DMTF1: variants seen among roughly 807,000 people sequenced by gnomAD.
DMTF1 encodes cyclin-D-binding Myb-like transcription factor 1.
A neutral mutation model predicts 91.1 loss-of-function variants in DMTF1; 39 were observed. The ratio of observed to expected loss-of-function variants is 0.43; its 90% confidence interval spans 0.33 to 0.56. The LOEUF (loss-of-function observed/expected upper bound fraction) is 0.56. Among genes scored for constraint, DMTF1 ranks in the 20% least tolerant of loss-of-function variants. DMTF1 has a pLI of 0.05. For missense variants in DMTF1, 750 were observed against 914.5 expected, an observed-to-expected ratio of 0.82 and a Z score of 2.32; for synonymous variants, 338 against 309.5, an observed-to-expected ratio of 1.09 and a Z score of -0.97.
At chr7:87,163,935 C>T (rs1407506126) in intron 2 of DMTF1, among the ~76,000 whole-genome samples, 2 of 151,594 alleles carry the variant, frequency 1.3e-5, no homozygotes, top group Non-Finnish European at 2.9e-5. Flanking sequence ...CCCAGCTATT[C>T]GGGTGGCTAA....
chr7:87,163,459 T>G (rs1793024077), intron 1 of DMTF1, 36 bp from the exon 2 acceptor site: 1 of 152,262 alleles, frequency 6.6e-6, no homozygotes, highest in South Asian at 2.1e-4. Flanking sequence ...TTGTTCTTAT[T>G]AAGCCTTATT....
intron 12 of DMTF1, 104 bp downstream of exon 12, chr7:87,186,084 C>T (rs1798353391): frequency 8.2e-7 from 1 of 1,217,730 alleles, no homozygotes; most frequent in Non-Finnish European, 1.2e-6. Flanking sequence ...GATATCATAG[C>T]AGATTTCTAC....
chr7:87,185,763 G>C (rs1347475009), intron 11 of DMTF1, 66 bp from the exon 12 acceptor site: 3 of 1,566,928 alleles, frequency 1.9e-6, no homozygotes, highest in Non-Finnish European at 2.6e-6. Context: ...ATTACCTGTA[G>C]TCAGAGGAGG....
intron 13 of DMTF1, among the ~76,000 whole-genome samples, chr7:87,189,336 G>T (rs1799217339): frequency 2.0e-5 from 3 of 152,022 alleles, no homozygotes; most frequent in African/African-American, 7.2e-5. Flanking sequence ...TCTGAATTTG[G>T]TTATCTTTCT....
intron 4 of DMTF1, among the ~76,000 whole-genome samples, chr7:87,169,887 G>A (rs550338423): frequency 1.3e-5 from 2 of 152,132 alleles, no homozygotes; most frequent in African/African-American, 4.8e-5. Flanking sequence ...CTGCTTCTTT[G>A]TTTTCTTTAC....
At chr7:87,162,305 A>G (rs1041415223) in intron 1 of DMTF1, among the ~76,000 whole-genome samples, 3 of 152,078 alleles carry the variant, frequency 2.0e-5, no homozygotes, top group Non-Finnish European at 4.4e-5. Flanking sequence ...TCCTGAGGTT[A>G]AGTGATCCTC....
At chr7:87,173,389 A>G (rs1795548911) in intron 5 of DMTF1, 146 bp from the exon 6 acceptor site, 1 of 411,612 alleles carries the variant, frequency 2.4e-6, no homozygotes, top group Non-Finnish European at 4.3e-6. Flanking sequence ...TATTTTTACT[A>G]TATCTAAAAC....
intron 12 of DMTF1, chr7:87,186,881 T>G (rs1395521265): frequency 1.3e-5 from 2 of 152,208 alleles, no homozygotes; most frequent in Non-Finnish European, 2.9e-5. Flanking sequence ...ATTTTTATTT[T>G]GTACAAAGAT....
At chr7:87,153,187 CAT>C (rs1365930959) in intron 1 of DMTF1, among the ~76,000 whole-genome samples, 2 of 151,992 alleles carry the variant, frequency 1.3e-5, no homozygotes, top group African/African-American at 4.8e-5. Flanking sequence ...ACGGCCCAGA[CAT>C]AGAGAATCGG....
intron 4 of DMTF1, among the ~76,000 whole-genome samples, chr7:87,168,930 A>G (rs1794458465): frequency 6.6e-6 from 1 of 152,226 alleles, no homozygotes; most frequent in Non-Finnish European, 1.5e-5. Flanking sequence ...GGAAGTAACC[A>G]GAAAATAATT....
intron 14 of DMTF1, among the ~76,000 whole-genome samples, chr7:87,191,957 T>C (rs1173290176): frequency 2.0e-5 from 3 of 152,160 alleles, no homozygotes; most frequent in African/African-American, 7.2e-5. Flanking sequence ...CCCAAGAGGA[T>C]GGCCACCTTT....
intron 15 of DMTF1, 184 bp from the exon 16 acceptor site, chr7:87,193,541 C>T (rs1215547783): frequency 1.2e-6 from 1 of 801,480 alleles, no homozygotes; most frequent in Non-Finnish European, 2.0e-6. Flanking sequence ...TGTAAGATGG[C>T]TATACATTAG....
At chr7:87,176,340 T>C (rs760162872) in intron 7 of DMTF1, among the ~76,000 whole-genome samples, 3 of 152,250 alleles carry the variant, frequency 2.0e-5, no homozygotes, top group Admixed American at 2.0e-4. Flanking sequence ...TAGTCACATA[T>C]GCTTTAGTTA....
At chr7:87,187,086 G>T (rs1798620888) in intron 12 of DMTF1, 1 of 152,282 alleles carries the variant, frequency 6.6e-6, no homozygotes, top group South Asian at 2.1e-4. Context: ...TTTGTTGCCT[G>T]TTTTGCATTT....
chr7:87,163,066 C>T (rs1792891535), intron 1 of DMTF1: 1 of 151,790 alleles, frequency 6.6e-6, no homozygotes, highest in South Asian at 2.1e-4. Flanking sequence ...ATTTTTAATG[C>T]TTTAAGATAA....
intron 2 of DMTF1, chr7:87,164,266 A>G (rs373547437): frequency 1.3e-5 from 2 of 152,112 alleles, no homozygotes; most frequent in African/African-American, 4.8e-5. Context: ...ATGAGATGCT[A>G]TATTCTGAGA....
At chr7:87,168,958 C>G (rs988130360) in intron 4 of DMTF1, among the ~76,000 whole-genome samples, 1 of 152,218 alleles carries the variant, frequency 6.6e-6, no homozygotes, top group African/African-American at 2.4e-5. Context: ...ATTCCCACTA[C>G]CACAAATACA....
intron 3 of DMTF1, among the ~76,000 whole-genome samples, chr7:87,165,945 T>C (rs1401170166): frequency 6.6e-6 from 1 of 152,222 alleles, no homozygotes; most frequent in Non-Finnish European, 1.5e-5. Context: ...TCTAATACCC[T>C]TTTAACCAGT....
intron 4 of DMTF1, among the ~76,000 whole-genome samples, chr7:87,169,685 C>T (rs980788661): frequency 2.0e-5 from 3 of 152,070 alleles, no homozygotes; most frequent in Admixed American, 6.5e-5. Flanking sequence ...TTAGTGTTTG[C>T]GTTACTTGAT....
Sources: gnomAD v4.1 joint callset for allele counts (sites outside exome capture counted in the v4.1 genomes callset) on GRCh38, gnomAD v4.1.1 for gene constraint, MANE v1.5 for transcripts, NCBI Gene and HGNC (gene_info 2026-07-23, HGNC 2026-07-21) for gene names.